The following FEZ1 variants were observed in gnomAD, a reference collection of about 807,000 sequenced individuals.
FEZ1 encodes the protein fasciculation and elongation protein zeta-1.
In FEZ1, 20 loss-of-function variants were observed where a neutral mutation model predicts 49.3. The ratio of observed to expected loss-of-function variants is 0.41; its 90% CI spans 0.29 to 0.59. The LOEUF (loss-of-function observed/expected upper bound fraction) is 0.59. Ranked by LOEUF, FEZ1 falls within the 20% of genes least tolerant of loss-of-function variation. The pLI, the probability that FEZ1 is intolerant of heterozygous loss-of-function variation, is 0.36. For missense variants in FEZ1, 413 were observed against 476.0 expected (o/e 0.87, Z 1.23); for synonymous variants, 170 against 180.9 (o/e 0.94, Z 0.48).
intron 3 of FEZ1, among the ~76,000 whole-genome samples, chr11:125,465,696 C>T (rs1388437756): frequency 6.6e-6 from 1 of 152,170 alleles, no homozygotes; most frequent in Non-Finnish European, 1.5e-5. Flanking sequence ...AACCCTGGCT[C>T]CTTCCCTCTA....
At chr11:125,463,854 A>G (rs1018857754) in intron 3 of FEZ1, among the ~76,000 whole-genome samples, 6 of 152,178 alleles carry the variant, frequency 3.9e-5, no homozygotes, top group Admixed American at 3.3e-4. Flanking sequence ...AGGGGACAGC[A>G]CCGTTTTTTA....
In FEZ1 at chr11:125,481,635, T is replaced by G. The variant is rs1323084306; in HGVS notation, c.312-2A>C. 1 of 1,600,552 alleles carries G rather than the reference T, an allele frequency of 6.2e-7. No individual in the cohort carries two copies. Among genetic ancestry groups the G allele is most frequent in the Non-Finnish European group, 8.6e-7 (1 of 1,167,988 alleles). ...TTGTCTGTCAGAGCATCCCAAACCC[T>G]GTAAACAAAGAGAAGCTCTCATTAA... On this transcript the variant is annotated splice_acceptor_variant, in intron 2 of 9. Coordinates refer to ENST00000278919, the MANE Select transcript of FEZ1 (RefSeq NM_005103.5). LOFTEE classifies it high-confidence loss of function.
At chr11:125,466,220 C>T (rs1038746154) in intron 3 of FEZ1, among the ~76,000 whole-genome samples, 1 of 152,124 alleles carries the variant, frequency 6.6e-6, no homozygotes, top group African/African-American at 2.4e-5. Context: ...GTGGCTTACA[C>T]CTGTAATCCC....
chr11:125,457,419 AAAAAAAAAAAAT>A lies in FEZ1; in HGVS notation c.668-1325_668-1314del, dbSNP rs1330633583. ...TTTCTACTTTAAAAAAAAAAAAAAA[AAAAAAAAAAAAT>A]ATATATATATATATATATATGTATA... On this transcript the variant is annotated intron_variant, in intron 5 of 9. Transcript: ENST00000278919. Among the ~76,000 whole-genome samples, 401 of 40,692 alleles carry A rather than the reference AAAAAAAAAAAAT, an allele frequency of 9.9e-3. 1 individual carries two copies. The highest frequency in any genetic ancestry group is 0.029 in the African/African-American group (317 of 11,080). The allele number at this position is 40,692 out of a possible 152,430, so 26.7% of individuals were successfully genotyped here.
intron 2 of FEZ1, among the ~76,000 whole-genome samples, chr11:125,485,144 T>C (rs1001121402): frequency 6.6e-6 from 1 of 152,186 alleles, no homozygotes. Flanking sequence ...ATTAAACAGG[T>C]TGCCTCAGTT....
chr11:125,474,301 G>A (rs912132929), intron 3 of FEZ1, among the ~76,000 whole-genome samples: 20 of 149,414 alleles, frequency 1.3e-4, no homozygotes, highest in Non-Finnish European at 2.5e-4. Context: ...GCCTCCCAAA[G>A]TGCTGGGATT....
Position 125,446,112 on chromosome 11 carries a change from C to T in FEZ1, c.1163-1G>A. ...GGGCAAGGTTAGGTAGGGCAGAGCA[C>T]TGCAACGAGAAGAGAGGAGGGGAGA... On this transcript the variant is annotated splice_acceptor_variant, in intron 9 of 9. Coordinates refer to ENST00000278919, the MANE Select transcript of FEZ1 (RefSeq NM_005103.5). LOFTEE classifies it high-confidence loss of function. 6.2e-7 allele frequency: 1 copy of T among 1,614,028 alleles called. No individual in the cohort carries two copies.
Position 125,489,857 on chromosome 11 carries a change from C to G in FEZ1, c.-45-35G>C. On this transcript the variant is annotated intron_variant, in intron 1 of 9. Coordinates refer to ENST00000278919, the MANE Select transcript of FEZ1 (RefSeq NM_005103.5). This position sits in a 1 kb window ranked among gnomAD's most constrained non-coding sequence, Gnocchi z 4.2. ...ATGAACAGCGTAATGTGAGTTTAGA[C>G]CAGGCTAATCTAAATAATAGAGTTA... 1.3e-6 allele frequency: 2 copies of G among 1,482,350 alleles called. No homozygotes were observed. The highest frequency in any genetic ancestry group is 2.8e-5 in the African/African-American group (2 of 70,858). 91.8% of individuals were successfully genotyped at this position (1,482,350 alleles called of 1,614,324 possible). A position where few individuals can be genotyped will look rare whatever the true frequency, so the allele number is the denominator to read the frequency against.
intron 5 of FEZ1, among the ~76,000 whole-genome samples, chr11:125,459,798 A>G (rs1957055956): frequency 6.6e-6 from 1 of 152,048 alleles, no homozygotes; most frequent in South Asian, 2.1e-4. Flanking sequence ...GATTAGGCAT[A>G]GGAAGTCTTA....
chr11:125,471,118 A>C (rs1957179257), intron 3 of FEZ1, among the ~76,000 whole-genome samples: 1 of 152,190 alleles, frequency 6.6e-6, no homozygotes, highest in Non-Finnish European at 1.5e-5. Context: ...CCAACAGAAG[A>C]CATAAGATGC....
chr11:125,493,435 AAAG>A (rs1957413328), intron 1 of FEZ1, among the ~76,000 whole-genome samples: 1 of 39,336 alleles, frequency 2.5e-5, no homozygotes, highest in Admixed American at 2.3e-4. Flanking sequence ...GGAAAGAAGG[AAAG>A]AAGGAAAGAA....
At chr11:125,468,784 A>G (rs1304995532) in intron 3 of FEZ1, among the ~76,000 whole-genome samples, 1 of 152,220 alleles carries the variant, frequency 6.6e-6, no homozygotes, top group Admixed American at 6.5e-5. Flanking sequence ...ATGGCTCAGG[A>G]ATTGCAGACC....
At position 125,445,118 on chromosome 11, in the gene FEZ1, C is replaced by A. The variant is rs1956887680; in HGVS notation, c.*977G>T. ...GTTGGTCAAGGCTGGCAGCTGCCTGCCATCAATGCTGGAGACAGTGCGAGG... is the reference window on the plus strand; with the variant it reads ...GTTGGTCAAGGCTGGCAGCTGCCTGACATCAATGCTGGAGACAGTGCGAGG... On this transcript the variant is annotated 3_prime_UTR_variant, in exon 10 of 10. Coordinates refer to ENST00000278919, the MANE Select transcript of FEZ1 (RefSeq NM_005103.5). The surrounding 1 kb of genome is among the most constrained non-coding windows in gnomAD (Gnocchi z 4.4). 6.6e-6 allele frequency among the ~76,000 whole-genome samples: 1 copy of A among 152,184 alleles called. No homozygotes were observed. Among genetic ancestry groups the A allele is most frequent in the Non-Finnish European group, 1.5e-5 (1 of 68,040 alleles).
At chr11:125,449,626 G>T (rs890254348) in intron 8 of FEZ1, among the ~76,000 whole-genome samples, 5 of 152,050 alleles carry the variant, frequency 3.3e-5, no homozygotes, top group African/African-American at 4.8e-5. Context: ...GACAATAGGG[G>T]ATGTTCTTTT....
At chr11:125,481,817 T>G in intron 2 of FEZ1, 184 bp from the exon 3 acceptor site, 1 of 604,800 alleles carries the variant, frequency 1.7e-6, no homozygotes, top group South Asian at 2.0e-5. Flanking sequence ...GGGGAGAAAG[T>G]GCATGGAGCT....
rs1362616777 is a variant in FEZ1, at chr11:125,444,457, T to C, written c.*1638A>G. Among the ~76,000 whole-genome samples, 1 of 152,096 alleles carries C rather than the reference T, an allele frequency of 6.6e-6. No homozygotes were observed. The highest frequency in any genetic ancestry group is 1.5e-5 in the Non-Finnish European group (1 of 68,008). ...AAAATTAGCTGGGTGTGGTGCTGCA[T>C]GCCTGTAATCCCAGCTACTCGGGAG... On this transcript the variant is annotated 3_prime_UTR_variant, in exon 10 of 10. Transcript: ENST00000278919.
At chr11:125,458,271 C>G (rs1957039036) in intron 5 of FEZ1, among the ~76,000 whole-genome samples, 1 of 152,230 alleles carries the variant, frequency 6.6e-6, no homozygotes, top group Non-Finnish European at 1.5e-5. Context: ...CCCATCTCCC[C>G]ATGGGTGGAT....
In FEZ1 at chr11:125,456,044, G is replaced by T; in HGVS notation, c.730C>A (p.Arg244Ser). 6.2e-7 allele frequency: 1 copy of T among 1,612,200 alleles called. No individual in the cohort carries two copies. The highest frequency in any genetic ancestry group is 1.1e-5 in the South Asian group (1 of 90,922). Residue 244 changes from arginine (R) to serine (S), a missense_variant, in exon 6 of 10, where the codon CGT (arginine) becomes AGT (serine). By Grantham distance (110) the Arg-to-Ser change is moderately radical. Transcript: ENST00000278919. ...ELLDQVEGAIRDFSEELVQQL... is the reference protein window; with the variant it reads ...ELLDQVEGAISDFSEELVQQL... ...TGCACCAGCTCCTCCGAGAAGTCAC[G>T]GATGGCACCCTCCACCTGGTCCAGC...
At chr11:125,457,857 C>T (rs1288441160) in intron 5 of FEZ1, among the ~76,000 whole-genome samples, 2 of 152,166 alleles carry the variant, frequency 1.3e-5, no homozygotes, top group African/African-American at 4.8e-5. Context: ...ATCCATTTCC[C>T]TCTTCCTCTT....
Sources: allele counts gnomAD v4.1 joint callset (sites outside exome capture counted in the v4.1 genomes callset), GRCh38; gene constraint gnomAD v4.1.1; non-coding constraint Gnocchi (gnomAD v3.1); transcripts MANE v1.5; gene names NCBI Gene and HGNC (gene_info 2026-07-23, HGNC 2026-07-21).